The following GALNT17 variants were observed in gnomAD, a reference collection of about 807,000 sequenced individuals.
GALNT17 encodes polypeptide N-acetylgalactosaminyltransferase 17, also known as UDP-GalNAc:polypeptide N-acetylgalactosaminyltransferase-like 3.
In GALNT17, 29 loss-of-function variants were observed where a neutral mutation model predicts 63.7. The observed-to-expected ratio is 0.46, with a 90% CI of 0.34 to 0.62. The LOEUF is 0.62. Among genes scored for constraint, GALNT17 ranks in the 20% least tolerant of loss-of-function variants. The pLI, the probability that GALNT17 is intolerant of heterozygous loss-of-function variation, is 0.01. For synonymous variants in GALNT17, 305 were observed against 318.3 expected, an observed-to-expected ratio of 0.96 and a Z score of 0.45; for missense variants, 603 against 799.6, an observed-to-expected ratio of 0.75 and a Z score of 2.97.
intron 6 of GALNT17, among the ~76,000 whole-genome samples, chr7:71,633,289 A>G (rs1486994461): frequency 1.3e-5 from 2 of 152,000 alleles, no homozygotes; most frequent in African/African-American, 4.8e-5. Context: ...CCAATATGGA[A>G]CACTCTAGTG....
intron 2 of GALNT17, among the ~76,000 whole-genome samples, chr7:71,343,880 C>T (rs930556545): frequency 6.6e-6 from 1 of 151,152 alleles, no homozygotes; most frequent in Non-Finnish European, 1.5e-5. Flanking sequence ...TATAAGTAGG[C>T]TTATTTTCTC....
intron 1 of GALNT17, among the ~76,000 whole-genome samples, chr7:71,221,385 T>C (rs1789580645): frequency 1.8e-5 from 1 of 54,064 alleles, no homozygotes; most frequent in Non-Finnish European, 4.9e-5. Context: ...CAGCCATGCT[T>C]TTTTTTTTTT....
intron 1 of GALNT17, among the ~76,000 whole-genome samples, chr7:71,272,404 C>A (rs897325164): frequency 6.6e-6 from 1 of 152,176 alleles, no homozygotes; most frequent in Non-Finnish European, 1.5e-5. Flanking sequence ...AAACGCCAGC[C>A]TGTTTTCCAA....
intron 1 of GALNT17, among the ~76,000 whole-genome samples, chr7:71,321,871 C>T (rs202093293): frequency 2.3e-5 from 1 of 43,378 alleles, no homozygotes; most frequent in Non-Finnish European, 4.3e-5. Flanking sequence ...CCTTCCTTTC[C>T]TTCCTTCCTT....
At chr7:71,322,683 G>A (rs989345496) in intron 1 of GALNT17, among the ~76,000 whole-genome samples, 1 of 152,234 alleles carries the variant, frequency 6.6e-6, no homozygotes, top group African/African-American at 2.4e-5. Context: ...GAGGCCTTTC[G>A]GAGGTAATCA....
chr7:71,275,568 GC>G (rs1397696263), intron 1 of GALNT17, among the ~76,000 whole-genome samples: 1 of 152,156 alleles, frequency 6.6e-6, no homozygotes, highest in Non-Finnish European at 1.5e-5. Context: ...GGTCACCATG[GC>G]CTTTTGTGAA....
intron 2 of GALNT17, among the ~76,000 whole-genome samples, chr7:71,365,452 A>G (rs1792486475): frequency 6.6e-6 from 1 of 152,160 alleles, no homozygotes. Context: ...GTTGGCCAGG[A>G]TGATCTCAAT....
chr7:71,697,822 A>T (rs937289760), intron 9 of GALNT17, among the ~76,000 whole-genome samples: 1 of 152,150 alleles, frequency 6.6e-6, no homozygotes, highest in Non-Finnish European at 1.5e-5. Context: ...TTCTAGGCTC[A>T]TAAGAAAGTG....
At chr7:71,516,771 G>A (rs947890357) in intron 5 of GALNT17, among the ~76,000 whole-genome samples, 1 of 152,102 alleles carries the variant, frequency 6.6e-6, no homozygotes, top group Non-Finnish European at 1.5e-5. Flanking sequence ...TTCTGCCCAT[G>A]CTCCCTGTCA....
chr7:71,623,134 CTGTT>C (rs1245649855), intron 6 of GALNT17, among the ~76,000 whole-genome samples: 1 of 152,128 alleles, frequency 6.6e-6, no homozygotes, highest in Non-Finnish European at 1.5e-5. Context: ...CATATTCTCT[CTGTT>C]TGCGTAGCAG....
intron 1 of GALNT17, among the ~76,000 whole-genome samples, chr7:71,184,973 TTC>T (rs1437983163): frequency 1.1e-4 from 13 of 115,102 alleles, no homozygotes; most frequent in African/African-American, 4.9e-4. Context: ...CCTTCCTTCC[TTC>T]CTTCCTTCCT....
intron 1 of GALNT17, among the ~76,000 whole-genome samples, chr7:71,175,690 T>G (rs769632208): frequency 1.3e-5 from 2 of 152,144 alleles, no homozygotes; most frequent in Non-Finnish European, 1.5e-5. Context: ...TGTGGGGGTA[T>G]TCTAGTGATT....
chr7:71,240,591 C>T (rs960215772), intron 1 of GALNT17, among the ~76,000 whole-genome samples: 4 of 152,094 alleles, frequency 2.6e-5, no homozygotes, highest in African/African-American at 7.2e-5. Flanking sequence ...TCCAGGTTGC[C>T]GCAAAGGCCA....
intron 1 of GALNT17, among the ~76,000 whole-genome samples, chr7:71,270,473 C>T (rs927354725): frequency 4.8e-5 from 7 of 145,246 alleles, no homozygotes; most frequent in African/African-American, 1.5e-4. Flanking sequence ...TGCAGTGAGC[C>T]GAGATTGCAC....
At chr7:71,283,254 T>G (rs1470345763) in intron 1 of GALNT17, among the ~76,000 whole-genome samples, 3 of 151,926 alleles carry the variant, frequency 2.0e-5, no homozygotes, top group Non-Finnish European at 4.4e-5. Flanking sequence ...TTTCCCAGGT[T>G]CTTTTCAAAC....
At chr7:71,376,082 A>AAAAAAAG (rs1563046100) in intron 2 of GALNT17, among the ~76,000 whole-genome samples, 3 of 143,670 alleles carry the variant, frequency 2.1e-5, no homozygotes, top group African/African-American at 7.6e-5. Flanking sequence ...CCATCTCCAA[A>AAAAAAAG]AAAAAGAAAA....
chr7:71,601,489 A>G (rs894284482), intron 6 of GALNT17, among the ~76,000 whole-genome samples: 4 of 152,146 alleles, frequency 2.6e-5, no homozygotes, highest in Non-Finnish European at 5.9e-5. Flanking sequence ...AGGAAAGGGG[A>G]GGGGGTGAGT....
At chr7:71,342,739 A>G (rs932857552) in intron 2 of GALNT17, among the ~76,000 whole-genome samples, 1 of 152,240 alleles carries the variant, frequency 6.6e-6, no homozygotes, top group Non-Finnish European at 1.5e-5. Context: ...CTACATCTTC[A>G]GTAGCAGGAA....
intron 6 of GALNT17, among the ~76,000 whole-genome samples, chr7:71,646,747 CTTTTTTTTT>C (rs60956531): frequency 1.6e-5 from 2 of 128,110 alleles, no homozygotes; most frequent in Non-Finnish European, 3.2e-5. Context: ...TCCAAGTTTC[CTTTTTTTTT>C]TTTTTTTTGA....
Sources: gnomAD v4.1 joint callset for allele counts (sites outside exome capture counted in the v4.1 genomes callset) on GRCh38, gnomAD v4.1.1 for gene constraint, MANE v1.5 for transcripts, NCBI Gene and HGNC (gene_info 2026-07-23, HGNC 2026-07-21) for gene names.